Variants in UTP14A observed in about 807,000 individuals in gnomAD.
The protein encoded by UTP14A is UTP14A small subunit processome component.
A neutral mutation model predicts 57.2 loss-of-function variants in UTP14A; 5 were observed. The ratio of observed to expected loss-of-function variants is 0.09; its 90% CI spans 0.05 to 0.18. The LOEUF (loss-of-function observed/expected upper bound fraction) is 0.18. UTP14A is among the 10% of genes least tolerant of loss of function. The pLI is 1.00. For missense variants in UTP14A, 430 were observed against 562.1 expected (o/e 0.76, Z 2.38); for synonymous variants, 169 against 210.9 (o/e 0.80, Z 1.72).
Position 129,921,308 on chromosome X carries a change from C to T in UTP14A, c.1069C>T (p.Leu357Phe). ...AGGCACAGAAGATGTGGAAGAACTC[C>T]TTGTCCCTGATGTAGTGAATGAAGT... is the stretch of plus-strand genomic sequence containing the variant. ...EGGTEDVEEL[L>F]VPDVVNEVQM... Residue 357 changes from leucine (L) to phenylalanine (F), a missense_variant, in exon 11 of 15, where the codon CTT becomes TTT. Transcript: ENST00000394422. 2 of 1,211,575 alleles carry T rather than the reference C, an allele frequency of 1.7e-6. No individual in the cohort carries two copies. Among genetic ancestry groups the T allele is most frequent in the Non-Finnish European group, 2.2e-6 (2 of 895,514 alleles).
At chrX:129,918,602 G>A (rs954600611) in intron 6 of UTP14A, among the ~76,000 whole-genome samples, 6 of 110,989 alleles carry the variant, frequency 5.4e-5, no homozygotes, top group African/African-American at 2.0e-4. Context: ...ATCTGGGCCG[G>A]CGCGGTGGCT....
chrX:129,924,697 T>G lies in UTP14A; in HGVS notation c.1349-98T>G. 2.9e-6 allele frequency: 3 copies of G among 1,018,357 alleles called. No homozygotes were observed. The Admixed American group carries it at 8.9e-5, about 30-fold the overall frequency. 83.9% of individuals were successfully genotyped at this position (1,018,357 alleles called of 1,213,427 possible). ...CGTTTGTCCTTTTTATAATGTCTTA[T>G]GTGGTACCTAGCACTTGGTGGGTGC... On this transcript the variant is annotated intron_variant, in intron 11 of 14. Transcript: ENST00000394422.
chrX:129,910,257 T>C (rs762921838), intron 4 of UTP14A, among the ~76,000 whole-genome samples: 2 of 111,553 alleles, frequency 1.8e-5, no homozygotes, highest in Non-Finnish European at 3.8e-5. Flanking sequence ...GGGGTTGATA[T>C]GAGGTTAGAG....
chrX:129,917,137 A>G (rs1445508532), intron 6 of UTP14A, among the ~76,000 whole-genome samples: 1 of 111,805 alleles, frequency 8.9e-6, no homozygotes, highest in African/African-American at 3.2e-5. Flanking sequence ...CACCCCATAC[A>G]AGTGCCTGGA....
At chrX:129,920,784 G>A (rs749983631) in intron 10 of UTP14A, 32 bp downstream of exon 10, 1 of 1,209,618 alleles carries the variant, frequency 8.3e-7, no homozygotes, top group African/African-American at 1.8e-5. Flanking sequence ...AGAAGATCTG[G>A]AATTGGAGGA....
In UTP14A at chrX:129,929,704, T is replaced by C; in HGVS notation, c.*96T>C. The C allele has an allele frequency of 2.0e-6, 2 of 1,006,589 alleles. No homozygotes were observed. Among genetic ancestry groups the C allele is most frequent in the South Asian group, 4.7e-5 (2 of 42,769 alleles). 83.0% of individuals were successfully genotyped at this position (1,006,589 alleles called of 1,213,427 possible). A position where few individuals can be genotyped will look rare whatever the true frequency, so the allele number is the denominator to read the frequency against. On this transcript the variant is annotated 3_prime_UTR_variant, in exon 15 of 15. Transcript: ENST00000394422. The stretch of plus-strand genomic sequence containing the variant: ...TGGATTCCAAAACTGGCTCAGTACA[T>C]TGCATGTAGTTAAGCCACATTTTAA...
chrX:129,926,401 G>A (rs767508827), intron 14 of UTP14A, 62 bp downstream of exon 14: 3 of 1,014,147 alleles, frequency 3.0e-6, no homozygotes, highest in Non-Finnish European at 2.8e-6. Flanking sequence ...TTGCTTGAGA[G>A]GAGTATTCTA....
chrX:129,907,887 C>T (rs1274884273), intron 2 of UTP14A, among the ~76,000 whole-genome samples, 173 bp from the exon 3 acceptor site: 1 of 111,683 alleles, frequency 9.0e-6, no homozygotes, highest in Non-Finnish European at 1.9e-5. Flanking sequence ...ACCTGGGAGG[C>T]GGAGCTTGCA....
In UTP14A at chrX:129,916,100, C is replaced by T. The variant is rs191179327; in HGVS notation, c.538-3075C>T. Among the ~76,000 whole-genome samples the T allele has an allele frequency of 9.8e-3, 1,069 of 109,244 alleles. 11 individuals carry two copies. Among genetic ancestry groups the T allele is most frequent in the African/African-American group, 0.034 (1,024 of 29,978 alleles). 94.9% of individuals were successfully genotyped at this position (109,244 alleles called of 115,157 possible). A position where few individuals can be genotyped will look rare whatever the true frequency, so the allele number is the denominator to read the frequency against. On this transcript the variant is annotated intron_variant, in intron 6 of 14. Transcript: ENST00000394422. ...TCCCAAGTAGCTGGGACTACAGGTGCCCGCCACCACGCCCAGCTAATTTTT... is the reference window on the plus strand; with the variant it reads ...TCCCAAGTAGCTGGGACTACAGGTGTCCGCCACCACGCCCAGCTAATTTTT...
intron 11 of UTP14A, 55 bp downstream of exon 11, chrX:129,921,642 G>C: frequency 8.8e-7 from 1 of 1,130,664 alleles, no homozygotes; most frequent in South Asian, 2.2e-5. Flanking sequence ...ACAGACTATG[G>C]GAGAAAAAAA....
At chrX:129,911,203 G>A in intron 5 of UTP14A, 53 bp downstream of exon 5, 1 of 1,149,739 alleles carries the variant, frequency 8.7e-7, no homozygotes, top group Non-Finnish European at 1.2e-6. Flanking sequence ...ATTGACAAGG[G>A]AAAATAGGGT....
At position 129,926,236 on chromosome X, in the gene UTP14A, C is replaced by T. The variant is rs1231044769; in HGVS notation, c.1944-4C>T. 10 of 1,209,434 alleles carry T rather than the reference C, an allele frequency of 8.3e-6. No homozygotes were observed. The highest frequency in any genetic ancestry group is 1.1e-5 in the Non-Finnish European group (10 of 894,450). Reference sequence around the variant, plus strand: ...GTCAGATGTCCTGTTGTTTTGCTTTCCAGGTTTCTCATTAAAGCCCCTGAG... The same window carrying T: ...GTCAGATGTCCTGTTGTTTTGCTTTTCAGGTTTCTCATTAAAGCCCCTGAG... On this transcript the variant is annotated splice_region_variant and splice_polypyrimidine_tract_variant and intron_variant, in intron 13 of 14. Coordinates refer to ENST00000394422, the MANE Select transcript of UTP14A (RefSeq NM_006649.4).
intron 1 of UTP14A, among the ~76,000 whole-genome samples, chrX:129,906,480 C>T (rs1265381961): frequency 8.9e-6 from 1 of 112,021 alleles, no homozygotes; most frequent in East Asian, 2.8e-4. Flanking sequence ...GCCTCCCCAG[C>T]TCATTTACTG....
Position 129,924,829 on chromosome X carries a change from A to C in UTP14A, c.1383A>C (p.Arg461Ser). Reference sequence around the variant, plus strand: ...GCCAGGAGGTGCTGTCTGAATTGAGAGTACTATCTCAGAAATTGAAGGAAA... The same window carrying C: ...GCCAGGAGGTGCTGTCTGAATTGAGCGTACTATCTCAGAAATTGAAGGAAA... ...SGSQEVLSEL[R>S]VLSQKLKENH... The change falls in exon 12 of 15, where the codon AGA becomes AGC. Residue 461 changes from arginine (R) to serine (S), a missense_variant. By Grantham distance (110) the Arg-to-Ser change is moderately radical. Coordinates refer to ENST00000394422, the MANE Select transcript of UTP14A (RefSeq NM_006649.4). 1 of 1,203,953 alleles carries C rather than the reference A, an allele frequency of 8.3e-7. No individual in the cohort carries two copies. Among genetic ancestry groups the C allele is most frequent in the South Asian group, 1.8e-5 (1 of 55,427 alleles).
intron 4 of UTP14A, among the ~76,000 whole-genome samples, 169 bp downstream of exon 4, chrX:129,908,903 C>T (rs1258389874): frequency 1.8e-5 from 2 of 111,665 alleles, no homozygotes; most frequent in East Asian, 5.6e-4. Context: ...CAGTTTCTTC[C>T]ATCTCTCAAA....
At chrX:129,918,618 C>A (rs1165588719) in intron 6 of UTP14A, among the ~76,000 whole-genome samples, 1 of 111,311 alleles carries the variant, frequency 9.0e-6, no homozygotes, top group African/African-American at 3.3e-5. Flanking sequence ...TGGCTCACGC[C>A]TGTAATCCCA....
intron 11 of UTP14A, 119 bp from the exon 12 acceptor site, chrX:129,924,676 T>G: frequency 1.1e-6 from 1 of 890,283 alleles, no homozygotes; most frequent in Non-Finnish European, 1.6e-6. Context: ...TTTCCCCGTT[T>G]GTCCTTTTTA....
intron 3 of UTP14A, 140 bp from the exon 4 acceptor site, chrX:129,908,530 G>T: frequency 1.7e-6 from 1 of 586,539 alleles, no homozygotes. Flanking sequence ...AGATCTCCTT[G>T]CTGCATCATG....
rs766847592 is a variant in UTP14A, at chrX:129,921,762, C to T, written c.1348+175C>T. 1.7e-5 allele frequency: 9 copies of T among 523,264 alleles called. No individual in the cohort carries two copies. In the African/African-American group the frequency reaches 1.9e-4, roughly 11 times the overall value. The allele number at this position is 523,264 out of a possible 1,213,427, so 43.1% of individuals were successfully genotyped here. On this transcript the variant is annotated intron_variant, in intron 11 of 14. Coordinates refer to ENST00000394422, the MANE Select transcript of UTP14A (RefSeq NM_006649.4). ...AATTAGATTCATAACTATTTTTCTT[C>T]GAAGACATTTAATAAGCAGTCATCT...
Sources: gnomAD v4.1 joint callset for allele counts (sites outside exome capture counted in the v4.1 genomes callset) on GRCh38, gnomAD v4.1.1 for gene constraint, MANE v1.5 for transcripts, NCBI Gene and HGNC (gene_info 2026-07-23, HGNC 2026-07-21) for gene names.